The following INO80D variants were observed in gnomAD, a reference collection of about 807,000 sequenced individuals.
INO80D encodes the protein INO80 complex subunit D.
Under a neutral mutation model 87.6 loss-of-function variants are expected in INO80D, and 21 were observed. The observed-to-expected ratio is 0.24, with a 90% CI of 0.17 to 0.35. The LOEUF is 0.35. Ranked by LOEUF, INO80D falls within the 10% of genes least tolerant of loss-of-function variation. The probability of loss-of-function intolerance (pLI) is 1.00; values close to 1 mark genes in which losing one functional copy is unlikely to be tolerated. For missense variants in INO80D, 982 were observed against 1,280.7 expected (o/e 0.77, Z 3.56); for synonymous variants, 440 against 491.0 (o/e 0.90, Z 1.37).
chr2:206,074,918 G>T (rs1446249107), intron 1 of INO80D, among the ~76,000 whole-genome samples: 1 of 150,844 alleles, frequency 6.6e-6, no homozygotes, highest in Non-Finnish European at 1.5e-5. Context: ...CAGCCTGGAC[G>T]ACAAGAGCGA....
Position 206,067,892 on chromosome 2 carries a change from G to A in INO80D, c.-123-4648C>T, listed in dbSNP as rs539350494. On this transcript the variant is annotated intron_variant, in intron 1 of 10. Coordinates refer to ENST00000403263, the MANE Select transcript of INO80D (RefSeq NM_017759.5). ...GAAGGATGTGAAGTTGCAGTGTGCC[G>A]AGATCGTGCCACTGCACTCCAGCCT... 1.3e-4 allele frequency among the ~76,000 whole-genome samples: 19 copies of A among 151,968 alleles called. 1 individual carries two copies. The South Asian group carries it at 2.3e-3, about 18-fold the overall frequency.
chr2:206,047,025 C>T (rs930501644), intron 4 of INO80D, among the ~76,000 whole-genome samples: 2 of 152,150 alleles, frequency 1.3e-5, no homozygotes, highest in Non-Finnish European at 2.9e-5. Flanking sequence ...GTGATCCACC[C>T]ACCTCGGCCT....
intron 5 of INO80D, among the ~76,000 whole-genome samples, chr2:206,045,701 C>G (rs1465425637): frequency 6.6e-6 from 1 of 151,244 alleles, no homozygotes; most frequent in East Asian, 1.9e-4. Flanking sequence ...GAAAACCCCT[C>G]AGGAGATCTA....
chr2:206,024,276 TGA>T (rs1290306477), intron 6 of INO80D, among the ~76,000 whole-genome samples: 1 of 152,082 alleles, frequency 6.6e-6, no homozygotes, highest in African/African-American at 2.4e-5. Flanking sequence ...CTGTCTAGCA[TGA>T]GAGACAAGTT....
In INO80D at chr2:206,035,265, A is replaced by C. The variant is rs1451272183; in HGVS notation, c.1074-6930T>G. ...ATTCTAAAATTCATAAGGAACCAAAAAGCAGCCCACATAGCCAACACAAGA... is the reference window on the plus strand; with the variant it reads ...ATTCTAAAATTCATAAGGAACCAAACAGCAGCCCACATAGCCAACACAAGA... On this transcript the variant is annotated intron_variant, in intron 5 of 10. Coordinates refer to ENST00000403263, the MANE Select transcript of INO80D (RefSeq NM_017759.5). Among the ~76,000 whole-genome samples, 8 of 152,262 alleles carry C rather than the reference A, an allele frequency of 5.3e-5. No homozygotes were observed. In the East Asian group the frequency reaches 1.5e-3, roughly 29 times the overall value.
At chr2:206,040,623 C>A in intron 5 of INO80D, 1 of 245,522 alleles carries the variant, frequency 4.1e-6, no homozygotes, top group Non-Finnish European at 8.9e-6. Context: ...AGAAGATTAC[C>A]AGGAGGTCAA....
chr2:206,004,209 G>T lies in INO80D; in HGVS notation c.*159C>A. 1 of 670,208 alleles carries T rather than the reference G, an allele frequency of 1.5e-6. No homozygotes were observed. The highest frequency in any genetic ancestry group is 1.9e-5 in the South Asian group (1 of 53,204). 41.5% of individuals were successfully genotyped at this position (670,208 alleles called of 1,614,324 possible). A position where few individuals can be genotyped will look rare whatever the true frequency, so the allele number is the denominator to read the frequency against. On this transcript the variant is annotated 3_prime_UTR_variant, in exon 11 of 11. Coordinates refer to ENST00000403263, the MANE Select transcript of INO80D (RefSeq NM_017759.5). The surrounding 1 kb of genome is among the most constrained non-coding windows in gnomAD (Gnocchi z 4.9). ...AAGGAGCACATGTGAACACTGTAGC[G>T]AGGTCCACTGCAGGGCCACTCATTG...
chr2:206,032,285 G>C (rs1688789995), intron 5 of INO80D, among the ~76,000 whole-genome samples: 1 of 152,140 alleles, frequency 6.6e-6, no homozygotes, highest in African/African-American at 2.4e-5. Flanking sequence ...AGGTAGCCTC[G>C]GACAAGTTCT....
At chr2:206,081,768 A>AAAAAAG (rs371153818) in intron 1 of INO80D, among the ~76,000 whole-genome samples, 3 of 147,068 alleles carry the variant, frequency 2.0e-5, no homozygotes, top group Non-Finnish European at 4.5e-5. Context: ...AAAAAAAAAA[A>AAAAAAG]AAAGAAAGAA....
chr2:206,008,320 G>A (rs980386388), intron 9 of INO80D, among the ~76,000 whole-genome samples: 2 of 129,438 alleles, frequency 1.5e-5, no homozygotes, highest in African/African-American at 5.9e-5. Context: ...TTGCTCTGTC[G>A]CCCAGGCTAG....
At chr2:206,078,703 T>G (rs1248014978) in intron 1 of INO80D, among the ~76,000 whole-genome samples, 1 of 151,944 alleles carries the variant, frequency 6.6e-6, no homozygotes, top group Non-Finnish European at 1.5e-5. Flanking sequence ...TCCCAGCACT[T>G]TGGGAGGCCA....
At chr2:206,026,437 T>C (rs1013439895) in intron 6 of INO80D, among the ~76,000 whole-genome samples, 10 of 151,676 alleles carry the variant, frequency 6.6e-5, no homozygotes, top group Non-Finnish European at 8.8e-5. Flanking sequence ...TCCCAGCTAC[T>C]TGGGAGGCTG....
intron 6 of INO80D, among the ~76,000 whole-genome samples, chr2:206,024,127 C>T (rs919194814): frequency 6.6e-6 from 1 of 152,152 alleles, no homozygotes; most frequent in Non-Finnish European, 1.5e-5. Flanking sequence ...TGTTAGTTAT[C>T]ATTATTTTAT....
chr2:206,077,362 A>G (rs1472471045), intron 1 of INO80D, among the ~76,000 whole-genome samples: 6 of 151,954 alleles, frequency 3.9e-5, no homozygotes. Context: ...ACAAACTACC[A>G]TTAGAAGCAG....
rs78227306 is a variant in INO80D at position 206,068,040 on chromosome 2, T to C, written c.-123-4796A>G. Reference sequence around the variant, plus strand: ...TGCTTTTTTGGTTTGAATTTATCAATTGAGTCTTTGCCCGTACTTCTGTTC... The same window carrying C: ...TGCTTTTTTGGTTTGAATTTATCAACTGAGTCTTTGCCCGTACTTCTGTTC... On this transcript the variant is annotated intron_variant, in intron 1 of 10. Transcript: ENST00000403263. Among the ~76,000 whole-genome samples, 116 of 152,338 alleles carry C rather than the reference T, an allele frequency of 7.6e-4. 3 individuals carry two copies. In the East Asian group the frequency reaches 0.022, roughly 29 times the overall value.
chr2:206,066,497 G>T (rs1689818377), intron 1 of INO80D, among the ~76,000 whole-genome samples: 2 of 152,032 alleles, frequency 1.3e-5, no homozygotes, highest in Admixed American at 6.6e-5. Flanking sequence ...ATACTATTCA[G>T]CCATTAAAAA....
In INO80D at chr2:205,997,185, T is replaced by C. The variant is rs916180163; in HGVS notation, c.*7183A>G. 6.6e-6 allele frequency: 1 copy of C among 152,012 alleles called. No homozygotes were observed. Among genetic ancestry groups the C allele is most frequent in the Non-Finnish European group, 1.5e-5 (1 of 67,948 alleles). The allele number at this position is 152,012 out of a possible 1,614,324, so 9.4% of individuals were successfully genotyped here. On this transcript the variant is annotated 3_prime_UTR_variant, in exon 11 of 11. Coordinates refer to ENST00000403263, the MANE Select transcript of INO80D (RefSeq NM_017759.5). ...TTGACTATTTCAGACCACCAGATAC[T>C]CCAGTAATAAATGTATAGCAAAATA...
chr2:206,044,572 T>C (rs1689145803), intron 5 of INO80D, among the ~76,000 whole-genome samples: 1 of 149,822 alleles, frequency 6.7e-6, no homozygotes, highest in Non-Finnish European at 1.5e-5. Flanking sequence ...AAGCAAGTTA[T>C]GAAAGTGGCC....
intron 5 of INO80D, among the ~76,000 whole-genome samples, chr2:206,033,523 A>T (rs1274975620): frequency 1.3e-5 from 2 of 152,186 alleles, no homozygotes; most frequent in Non-Finnish European, 2.9e-5. Flanking sequence ...GGAAAATTAA[A>T]AATTCTTCAG....
Sources: allele counts gnomAD v4.1 joint callset (sites outside exome capture counted in the v4.1 genomes callset), GRCh38; gene constraint gnomAD v4.1.1; non-coding constraint Gnocchi (gnomAD v3.1); transcripts MANE v1.5; gene names NCBI Gene and HGNC (gene_info 2026-07-23, HGNC 2026-07-21).